Variants in MEMO1 observed in about 807,000 individuals in gnomAD.
MEMO1 encodes the protein mediator of cell motility 1, also known as protein MEMO1.
Under a neutral mutation model 45.2 loss-of-function variants are expected in MEMO1, and 6 were observed. The observed-to-expected ratio is 0.13, with a 90% CI of 0.07 to 0.26. The LOEUF is 0.26. Ranked by LOEUF, MEMO1 falls within the 10% of genes least tolerant of loss-of-function variation. MEMO1 has a pLI of 1.00. For synonymous variants in MEMO1, 78 were observed against 124.3 expected (o/e 0.63, Z 2.48); for missense variants, 184 against 370.5 (o/e 0.50, Z 4.13).
At chr2:32,005,318 C>CAAA (rs1305881226) in intron 2 of MEMO1, among the ~76,000 whole-genome samples, 3 of 57,306 alleles carry the variant, frequency 5.2e-5, no homozygotes, top group Non-Finnish European at 6.9e-5. Flanking sequence ...ACTCTGTCAC[C>CAAA]AAAAAAAAAA....
intron 3 of MEMO1, among the ~76,000 whole-genome samples, chr2:31,932,422 A>G (rs1278722007): frequency 1.3e-5 from 2 of 151,532 alleles, no homozygotes; most frequent in East Asian, 3.9e-4. Flanking sequence ...TAACACGATT[A>G]TTGAGGTTGG....
chr2:31,898,943 T>C (rs896106704), intron 6 of MEMO1, among the ~76,000 whole-genome samples: 1 of 152,206 alleles, frequency 6.6e-6, no homozygotes, highest in Non-Finnish European at 1.5e-5. Flanking sequence ...TCTTGTTGCA[T>C]TGATCCCTTT....
At chr2:31,975,205 T>C (rs1297685307) in intron 2 of MEMO1, among the ~76,000 whole-genome samples, 1 of 152,150 alleles carries the variant, frequency 6.6e-6, no homozygotes, top group African/African-American at 2.4e-5. Flanking sequence ...ATAACGTTTA[T>C]TCCTACTTAG....
At chr2:31,989,325 A>G (rs1671660044) in intron 2 of MEMO1, among the ~76,000 whole-genome samples, 1 of 152,194 alleles carries the variant, frequency 6.6e-6, no homozygotes, top group East Asian at 1.9e-4. Context: ...AAAAATTCGA[A>G]TTTTGCAAAA....
At chr2:31,896,676 T>C (rs1677865170) in intron 6 of MEMO1, among the ~76,000 whole-genome samples, 1 of 152,140 alleles carries the variant, frequency 6.6e-6, no homozygotes, top group African/African-American at 2.4e-5. Flanking sequence ...GATAACTGAA[T>C]TTAACAAAAT....
At chr2:31,981,666 A>G (rs1361769620) in intron 2 of MEMO1, among the ~76,000 whole-genome samples, 2 of 152,224 alleles carry the variant, frequency 1.3e-5, no homozygotes, top group East Asian at 1.9e-4. Context: ...TACTCCCAAG[A>G]AAGTTCCCAA....
chr2:31,895,294 T>C (rs1337043849), intron 6 of MEMO1, among the ~76,000 whole-genome samples: 1 of 152,138 alleles, frequency 6.6e-6, no homozygotes, highest in Non-Finnish European at 1.5e-5. Flanking sequence ...AAGTTGTATC[T>C]GAGTAAGAGC....
intron 6 of MEMO1, among the ~76,000 whole-genome samples, chr2:31,895,144 G>A (rs1677561377): frequency 6.6e-6 from 1 of 152,132 alleles, no homozygotes; most frequent in African/African-American, 2.4e-5. Flanking sequence ...CAACCTGCAA[G>A]GGAAAAAATG....
intron 2 of MEMO1, among the ~76,000 whole-genome samples, chr2:31,995,825 G>C (rs1328505655): frequency 6.6e-6 from 1 of 151,974 alleles, no homozygotes; most frequent in South Asian, 2.1e-4. Flanking sequence ...CTATTCAAAG[G>C]TACATGATAA....
At chr2:31,998,533 G>C (rs2148582243) in intron 2 of MEMO1, among the ~76,000 whole-genome samples, 1 of 152,226 alleles carries the variant, frequency 6.6e-6, no homozygotes, top group East Asian at 1.9e-4. Context: ...GGGCACAGTG[G>C]CTCACGCCTA....
intron 6 of MEMO1, among the ~76,000 whole-genome samples, chr2:31,895,742 G>A (rs1677675155): frequency 6.9e-6 from 1 of 145,344 alleles, no homozygotes; most frequent in South Asian, 2.2e-4. Context: ...ACAGATCTAA[G>A]AAATTCAACA....
chr2:31,941,163 C>A (rs1410527453), intron 3 of MEMO1, among the ~76,000 whole-genome samples: 1 of 152,010 alleles, frequency 6.6e-6, no homozygotes, highest in Admixed American at 6.6e-5. Flanking sequence ...ATGATCTAGC[C>A]CTCCGCTGCC....
chr2:31,961,650 C>G (rs1359187564), intron 2 of MEMO1, among the ~76,000 whole-genome samples: 2 of 151,460 alleles, frequency 1.3e-5, no homozygotes, highest in Non-Finnish European at 2.9e-5. Context: ...TGGTTACACA[C>G]ACCTATAGCC....
chr2:31,933,334 A>ATAT (rs1664436128), intron 3 of MEMO1, among the ~76,000 whole-genome samples: 2 of 58,350 alleles, frequency 3.4e-5, no homozygotes, highest in African/African-American at 1.5e-4. Context: ...AAAAAAAAAA[A>ATAT]AAAAAAAAAA....
intron 2 of MEMO1, among the ~76,000 whole-genome samples, chr2:31,986,479 A>T (rs1240331993): frequency 6.6e-6 from 1 of 152,112 alleles, no homozygotes; most frequent in Non-Finnish European, 1.5e-5. Context: ...CTCAAAAAAA[A>T]ATAATAATAA....
At chr2:32,009,918 C>G (rs1674618956) in intron 2 of MEMO1, among the ~76,000 whole-genome samples, 1 of 151,770 alleles carries the variant, frequency 6.6e-6, no homozygotes, top group Non-Finnish European at 1.5e-5. Context: ...CGCAGGCTGC[C>G]GAGGCGGCAA....
At chr2:31,901,864 A>G (rs1435866699) in intron 6 of MEMO1, among the ~76,000 whole-genome samples, 1 of 151,870 alleles carries the variant, frequency 6.6e-6, no homozygotes, top group Non-Finnish European at 1.5e-5. Flanking sequence ...AGCCAAGATT[A>G]CACCACTGCA....
At chr2:31,951,218 CA>C (rs1666808184) in intron 2 of MEMO1, among the ~76,000 whole-genome samples, 1 of 152,096 alleles carries the variant, frequency 6.6e-6, no homozygotes, top group Non-Finnish European at 1.5e-5. Context: ...GATTAACTAC[CA>C]AATTCACATA....
chr2:31,947,912 T>C (rs1666373864), intron 2 of MEMO1, among the ~76,000 whole-genome samples: 1 of 152,208 alleles, frequency 6.6e-6, no homozygotes. Context: ...TGGTTTTCTA[T>C]ACTTCTCTAT....
Sources: allele counts gnomAD v4.1 joint callset (sites outside exome capture counted in the v4.1 genomes callset), GRCh38; gene constraint gnomAD v4.1.1; transcripts MANE v1.5; gene names NCBI Gene and HGNC (gene_info 2026-07-23, HGNC 2026-07-21).